Variants in CSGALNACT1 observed in about 807,000 individuals in gnomAD.
The protein encoded by CSGALNACT1 is chondroitin sulfate N-acetylgalactosaminyltransferase 1, also known as beta4GalNAcT-1.
CSGALNACT1 carries 52 observed loss-of-function variants against 51.0 expected under a neutral mutation model. The observed-to-expected ratio is 1.02, with a 90% CI of 0.82 to 1.29. The LOEUF is 1.29. Ranked by LOEUF, CSGALNACT1 falls within the 50% of genes most tolerant of loss-of-function variation. The pLI is 0.00. For missense variants in CSGALNACT1, 935 were observed against 679.2 expected (o/e 1.38, Z -4.19); for synonymous variants, 341 against 254.4 (o/e 1.34, Z -3.24).
intron 1 of CSGALNACT1, among the ~76,000 whole-genome samples, chr8:19,636,464 AC>A (rs2056081205): frequency 6.6e-6 from 1 of 152,194 alleles, no homozygotes; most frequent in South Asian, 2.1e-4. Context: ...AGAAAATAGT[AC>A]CCCTATAATC....
chr8:19,727,615 G>T (rs925436264), intron 1 of CSGALNACT1, among the ~76,000 whole-genome samples: 2 of 152,194 alleles, frequency 1.3e-5, no homozygotes, highest in African/African-American at 4.8e-5. Context: ...CCTCCCAAGG[G>T]ATTATAGGTG....
intron 1 of CSGALNACT1, among the ~76,000 whole-genome samples, chr8:19,674,946 T>C (rs2060068336): frequency 6.6e-6 from 1 of 152,176 alleles, no homozygotes; most frequent in African/African-American, 2.4e-5. Flanking sequence ...ATTGCCCATC[T>C]TGAAGTCGGG....
chr8:19,656,835 AGG>A (rs1466877435), intron 1 of CSGALNACT1, among the ~76,000 whole-genome samples: 7 of 152,282 alleles, frequency 4.6e-5, no homozygotes, highest in Admixed American at 1.3e-4. Context: ...TGGGAGGCCA[AGG>A]CGCGTGGATC....
chr8:19,665,977 G>C (rs1329544930), intron 1 of CSGALNACT1, among the ~76,000 whole-genome samples: 1 of 152,022 alleles, frequency 6.6e-6, no homozygotes, highest in African/African-American at 2.4e-5. Flanking sequence ...TTTTCTAGTT[G>C]AAGATTCCTC....
intron 1 of CSGALNACT1, among the ~76,000 whole-genome samples, chr8:19,700,253 A>C (rs372994747): frequency 1.3e-5 from 2 of 152,142 alleles, no homozygotes; most frequent in South Asian, 4.2e-4. Flanking sequence ...TAGAAACCAA[A>C]CCTCCTATTT....
intron 5 of CSGALNACT1, among the ~76,000 whole-genome samples, chr8:19,447,275 T>A (rs1295531149): frequency 6.6e-6 from 1 of 152,174 alleles, no homozygotes; most frequent in Non-Finnish European, 1.5e-5. Context: ...GAACTCACTG[T>A]CTAGGACCCC....
At chr8:19,735,332 T>C (rs1328825032) in intron 1 of CSGALNACT1, among the ~76,000 whole-genome samples, 5 of 152,180 alleles carry the variant, frequency 3.3e-5, no homozygotes, top group Non-Finnish European at 7.3e-5. Flanking sequence ...CACCTTGGAA[T>C]GACAGTACTC....
chr8:19,644,718 A>AG (rs1220088302), intron 1 of CSGALNACT1, among the ~76,000 whole-genome samples: 3 of 149,430 alleles, frequency 2.0e-5, no homozygotes, highest in African/African-American at 7.4e-5. Flanking sequence ...TCAAAAAAAA[A>AG]AAAAAAAAAA....
At chr8:19,640,799 G>A (rs1564327347) in intron 1 of CSGALNACT1, among the ~76,000 whole-genome samples, 1 of 151,686 alleles carries the variant, frequency 6.6e-6, no homozygotes, top group Non-Finnish European at 1.5e-5. Context: ...TTCTACACTT[G>A]AAAAAAGATT....
At chr8:19,616,852 C>T (rs75461545) in intron 1 of CSGALNACT1, among the ~76,000 whole-genome samples, 2 of 152,130 alleles carry the variant, frequency 1.3e-5, no homozygotes, top group South Asian at 2.1e-4. Flanking sequence ...GGTCCCCAAC[C>T]TTTTTGGCAC....
At position 19,666,803 on chromosome 8, in the gene CSGALNACT1, GAA is replaced by G. The variant is rs752058054; in HGVS notation, c.-544+15668_-544+15669del. Among the ~76,000 whole-genome samples the G allele has an allele frequency of 5.2e-3, 111 of 21,388 alleles. 3 individuals are homozygous for G. The highest frequency in any genetic ancestry group is 0.015 in the East Asian group (18 of 1,178). The allele number at this position is 21,388 out of a possible 152,430, so 14.0% of individuals were successfully genotyped here. ...AGAAAGAAAGAAAGAAAGAAAGAAAGAAAGAAAGAGAGAGAGAGAGAGAGAGA... is the reference window on the plus strand; with the variant it reads ...AGAAAGAAAGAAAGAAAGAAAGAAAGAGAAAGAGAGAGAGAGAGAGAGAGA... On this transcript the variant is annotated intron_variant, in intron 1 of 9. Coordinates refer to the CSGALNACT1 transcript ENST00000332246.
rs559031594 is a variant in CSGALNACT1, at chr8:19,633,213, G to A, written c.-543-31348C>T. Among the ~76,000 whole-genome samples the A allele has an allele frequency of 1.4e-4, 21 of 152,160 alleles. 2 individuals are homozygous for A. The South Asian group carries it at 3.5e-3, about 26-fold the overall frequency. On this transcript the variant is annotated intron_variant, in intron 1 of 9. Transcript: ENST00000332246. The stretch of plus-strand genomic sequence containing the variant: ...ATTAAGAGGGCTTCCCCAGGTCGTC[G>A]GTGAATCTTTATCATTGAGTCTCGA...
At chr8:19,510,701 T>C (rs2078306422) in intron 3 of CSGALNACT1, among the ~76,000 whole-genome samples, 1 of 152,174 alleles carries the variant, frequency 6.6e-6, no homozygotes, top group Non-Finnish European at 1.5e-5. Flanking sequence ...GAGTGGGAGA[T>C]GGGAGGATCT....
chr8:19,743,848 A>C (rs773521706), intron 1 of CSGALNACT1, among the ~76,000 whole-genome samples: 57 of 152,268 alleles, frequency 3.7e-4, no homozygotes, highest in Non-Finnish European at 7.1e-4. Flanking sequence ...TTCTCCACAC[A>C]TTTTTTAGAG....
At chr8:19,651,942 CT>C (rs947015794) in intron 1 of CSGALNACT1, among the ~76,000 whole-genome samples, 2 of 142,296 alleles carry the variant, frequency 1.4e-5, no homozygotes, top group African/African-American at 2.6e-5. Context: ...TTTGTTTTGA[CT>C]TTTTTTAGAC....
exon 8 of CSGALNACT1, chr8:19,418,698 T>A: frequency 6.2e-7 from 1 of 1,613,860 alleles, no homozygotes. Context: ...GGTGGCCGTA[T>A]ATTATGCCAG....
chr8:19,563,319 G>A (rs988937582), intron 3 of CSGALNACT1, among the ~76,000 whole-genome samples: 1 of 152,152 alleles, frequency 6.6e-6, no homozygotes, highest in Admixed American at 6.5e-5. Context: ...AATAGCTAAA[G>A]CATGTTGGGA....
rs1217687121 is a variant in CSGALNACT1 at position 19,757,349 on chromosome 8, C to CGGGCGGGCGGGCGCAACAGCGGCCA, written c.-297+476_-297+500dup. On this transcript the variant is annotated intron_variant, in intron 1 of 1. Transcript: ENST00000517494. This position sits in a 1 kb window ranked among gnomAD's most constrained non-coding sequence, Gnocchi z 4.0. Reference sequence around the variant, plus strand: ...GGGAGCAGCGGCGGCGGCGGCGGCTCGGGCGGGCGGGCGCAACAGCGGCCA... The same window carrying CGGGCGGGCGGGCGCAACAGCGGCCA: ...GGGAGCAGCGGCGGCGGCGGCGGCTCGGGCGGGCGGGCGCAACAGCGGCCAGGGCGGGCGGGCGCAACAGCGGCCA... 3 of 150,620 alleles carry CGGGCGGGCGGGCGCAACAGCGGCCA rather than the reference C, an allele frequency of 2.0e-5. No individual in the cohort carries two copies. Among genetic ancestry groups the CGGGCGGGCGGGCGCAACAGCGGCCA allele is most frequent in the Non-Finnish European group, 4.5e-5 (3 of 67,168 alleles). The allele number at this position is 150,620 out of a possible 1,614,324, so 9.3% of individuals were successfully genotyped here.
At chr8:19,589,298 C>G (rs757629963) in intron 3 of CSGALNACT1, among the ~76,000 whole-genome samples, 68 of 152,264 alleles carry the variant, frequency 4.5e-4, no homozygotes, top group African/African-American at 1.6e-3. Context: ...AATTTTTCAA[C>G]ATGTCCCCCA....
Sources: allele counts gnomAD v4.1 joint callset (sites outside exome capture counted in the v4.1 genomes callset), GRCh38; gene constraint gnomAD v4.1.1; non-coding constraint Gnocchi (gnomAD v3.1); transcripts MANE v1.5; gene names NCBI Gene and HGNC (gene_info 2026-07-23, HGNC 2026-07-21).